The following PLD5 variants were observed in gnomAD, a reference collection of about 807,000 sequenced individuals.
PLD5 encodes phospholipase D family member 5.
PLD5 carries 36 observed loss-of-function variants against 61.1 expected under a neutral mutation model. That is an observed-to-expected ratio of 0.59 (90% confidence interval 0.45 to 0.78). The LOEUF is 0.78. Ranked by LOEUF, PLD5 falls within the 30% of genes least tolerant of loss-of-function variation. The pLI, the probability that PLD5 is intolerant of heterozygous loss-of-function variation, is 0.00. For missense variants in PLD5, 515 were observed against 644.4 expected (o/e 0.80, Z 2.17); for synonymous variants, 243 against 242.8 (o/e 1.00, Z -0.01).
rs1669489605 is a variant in PLD5 at position 242,207,876 on chromosome 1, A to ATT, written c.735+12110_735+12111dup. On this transcript the variant is annotated intron_variant, in intron 5 of 9. Coordinates refer to ENST00000536534, the MANE Select transcript of PLD5 (RefSeq NM_001372062.1). ...TTTATATATTTATATATTTATATAT[A>ATT]TTTATATATTTATATATATTTATAT... is the stretch of plus-strand genomic sequence containing the variant. Among the ~76,000 whole-genome samples the ATT allele has an allele frequency of 3.0e-4, 19 of 64,294 alleles. 5 individuals are homozygous for ATT. In the East Asian group the frequency reaches 8.3e-3, roughly 28 times the overall value. The allele number at this position is 64,294 out of a possible 152,430, so 42.2% of individuals were successfully genotyped here. A position where few individuals can be genotyped will look rare whatever the true frequency, so the allele number is the denominator to read the frequency against.
intron 2 of PLD5, among the ~76,000 whole-genome samples, chr1:242,299,706 T>G (rs1294083901): frequency 1.3e-5 from 2 of 152,262 alleles, no homozygotes; most frequent in African/African-American, 4.8e-5. Context: ...TTAGGACGTA[T>G]TCTCTCACTG....
At chr1:242,373,797 T>TCA (rs1216563469) in intron 1 of PLD5, among the ~76,000 whole-genome samples, 1 of 151,822 alleles carries the variant, frequency 6.6e-6, no homozygotes, top group East Asian at 1.9e-4. Context: ...CCAGGGCCTG[T>TCA]TGTGCAGTGG....
At chr1:242,389,161 T>C (rs989440023) in intron 1 of PLD5, among the ~76,000 whole-genome samples, 1 of 152,074 alleles carries the variant, frequency 6.6e-6, no homozygotes, top group African/African-American at 2.4e-5. Context: ...AGAAATTCTG[T>C]GAAACTGCAA....
In PLD5 at chr1:242,088,742, A is replaced by G. The variant is rs973291572; in HGVS notation, c.*1112T>C. On this transcript the variant is annotated 3_prime_UTR_variant, in exon 10 of 10. Coordinates refer to ENST00000536534, the MANE Select transcript of PLD5 (RefSeq NM_001372062.1). ...TAAAACAACAACACACAATTACGTT[A>G]TAGAACAATAATTCAATATTTCTGC... is the stretch of plus-strand genomic sequence containing the variant. 1 of 152,256 alleles carries G rather than the reference A, an allele frequency of 6.6e-6. No homozygotes were observed. Among genetic ancestry groups the G allele is most frequent in the South Asian group, 2.1e-4 (1 of 4,836 alleles). 9.4% of individuals were successfully genotyped at this position (152,256 alleles called of 1,614,324 possible).
chr1:242,177,840 G>A (rs886412130), intron 5 of PLD5: 11 of 152,232 alleles, frequency 7.2e-5, no homozygotes, highest in African/African-American at 2.7e-4. Flanking sequence ...CGGGCAGCAA[G>A]TTACCAAATC....
intron 1 of PLD5, among the ~76,000 whole-genome samples, chr1:242,509,162 A>T (rs1227105364): frequency 6.6e-6 from 1 of 152,070 alleles, no homozygotes; most frequent in African/African-American, 2.4e-5. Context: ...AGATTGCCTG[A>T]GCTCGAGAGT....
At chr1:242,164,640 G>A (rs1392938688) in intron 5 of PLD5, among the ~76,000 whole-genome samples, 1 of 152,136 alleles carries the variant, frequency 6.6e-6, no homozygotes, top group East Asian at 1.9e-4. Flanking sequence ...CAGATGCAAT[G>A]GGTTGACAAC....
At chr1:242,409,042 G>T (rs1050680848) in intron 1 of PLD5, among the ~76,000 whole-genome samples, 1 of 151,212 alleles carries the variant, frequency 6.6e-6, no homozygotes, top group Non-Finnish European at 1.5e-5. Flanking sequence ...ACTCCAGTCT[G>T]TGTGAAAGAG....
At chr1:242,211,448 G>A (rs963619010) in intron 5 of PLD5, among the ~76,000 whole-genome samples, 1 of 152,208 alleles carries the variant, frequency 6.6e-6, no homozygotes. Flanking sequence ...GCCCTCTCCA[G>A]GGTGGGGGCA....
Position 242,089,409 on chromosome 1 carries a change from T to G in PLD5, c.*445A>C. On this transcript the variant is annotated 3_prime_UTR_variant, in exon 10 of 10. Transcript: ENST00000536534. ...GACTGTGTAGGTCTTGGAGACGATT[T>G]ACAAGAATAAACACTTGGTTTTATC... The G allele has an allele frequency of 5.0e-6, 2 of 401,788 alleles. No homozygotes were observed. Among genetic ancestry groups the G allele is most frequent in the Admixed American group, 4.3e-5 (1 of 23,446 alleles). 24.9% of individuals were successfully genotyped at this position (401,788 alleles called of 1,614,324 possible).
intron 3 of PLD5, among the ~76,000 whole-genome samples, chr1:242,287,959 T>C (rs1675125177): frequency 6.6e-6 from 1 of 152,190 alleles, no homozygotes; most frequent in Admixed American, 6.5e-5. Flanking sequence ...AAAGGTGAAT[T>C]ATAACACAAA....
At chr1:242,180,087 G>T (rs1476390523) in intron 5 of PLD5, among the ~76,000 whole-genome samples, 1 of 152,148 alleles carries the variant, frequency 6.6e-6, no homozygotes, top group Non-Finnish European at 1.5e-5. Context: ...CTTATGCAGG[G>T]TAGTGAGTGG....
At chr1:242,507,877 A>G (rs1471429958) in intron 1 of PLD5, among the ~76,000 whole-genome samples, 3 of 152,236 alleles carry the variant, frequency 2.0e-5, no homozygotes, top group Non-Finnish European at 4.4e-5. Context: ...ATACTGGCCT[A>G]CTTACTTTAG....
chr1:242,393,188 G>T (rs111951949), intron 1 of PLD5, among the ~76,000 whole-genome samples: 2 of 139,462 alleles, frequency 1.4e-5, no homozygotes, highest in African/African-American at 2.8e-5. Flanking sequence ...TGGATAAGAC[G>T]ACGACTCCGT....
intron 5 of PLD5, among the ~76,000 whole-genome samples, chr1:242,140,157 A>T (rs1664050171): frequency 6.6e-6 from 1 of 152,168 alleles, no homozygotes; most frequent in Non-Finnish European, 1.5e-5. Context: ...CTGCACACCA[A>T]CGTGTTCGGC....
chr1:242,471,363 A>G (rs569120865), intron 1 of PLD5, among the ~76,000 whole-genome samples: 17 of 152,082 alleles, frequency 1.1e-4, no homozygotes, highest in African/African-American at 3.9e-4. Context: ...GATTTAGGCT[A>G]CTCCTGAGGA....
chr1:242,395,685 G>T (rs888164888), intron 1 of PLD5, among the ~76,000 whole-genome samples: 1 of 152,160 alleles, frequency 6.6e-6, no homozygotes, highest in Non-Finnish European at 1.5e-5. Flanking sequence ...ATAAAGAGAT[G>T]CAACCTGGAA....
At chr1:242,511,107 T>C (rs945439400) in intron 1 of PLD5, among the ~76,000 whole-genome samples, 1 of 152,122 alleles carries the variant, frequency 6.6e-6, no homozygotes, top group Non-Finnish European at 1.5e-5. Context: ...AATAAAAGGA[T>C]GTGGACATGT....
At chr1:242,132,791 C>A (rs1663394230) in intron 5 of PLD5, among the ~76,000 whole-genome samples, 1 of 152,068 alleles carries the variant, frequency 6.6e-6, no homozygotes, top group Non-Finnish European at 1.5e-5. Context: ...TAATGCCTGC[C>A]AGAAGGAACA....
Sources: allele counts gnomAD v4.1 joint callset (sites outside exome capture counted in the v4.1 genomes callset), GRCh38; gene constraint gnomAD v4.1.1; transcripts MANE v1.5; gene names NCBI Gene and HGNC (gene_info 2026-07-23, HGNC 2026-07-21).